NRP1: variants seen among roughly 807,000 people sequenced by gnomAD.
NRP1 encodes the protein neuropilin-1.
In NRP1, 35 loss-of-function variants were observed where a neutral mutation model predicts 106.7. The ratio of observed to expected loss-of-function variants is 0.33; its 90% confidence interval spans 0.25 to 0.43. The LOEUF is 0.43. Among genes scored for constraint, NRP1 ranks in the 20% least tolerant of loss-of-function variants. The pLI is 1.00. For missense variants in NRP1, 1,024 were observed against 1,170.4 expected (o/e 0.87, Z 1.83); for synonymous variants, 437 against 417.9 (o/e 1.05, Z -0.56).
At chr10:33,326,669 C>A (rs1847909301) in intron 2 of NRP1, among the ~76,000 whole-genome samples, 1 of 152,168 alleles carries the variant, frequency 6.6e-6, no homozygotes, top group South Asian at 2.1e-4. Flanking sequence ...TATTATGGTT[C>A]TGATGCTTAT....
At chr10:33,304,464 C>T (rs1412709543) in intron 2 of NRP1, among the ~76,000 whole-genome samples, 2 of 152,120 alleles carry the variant, frequency 1.3e-5, no homozygotes, top group African/African-American at 4.8e-5. Flanking sequence ...CAAGGGTTTT[C>T]AAAAAGGAAA....
intron 2 of NRP1, 85 bp downstream of exon 2, chr10:33,330,623 A>G (rs1589010321): frequency 3.3e-6 from 4 of 1,199,598 alleles, no homozygotes; most frequent in East Asian, 2.5e-5. Context: ...TATAATCTAC[A>G]TTGTACACAC....
At chr10:33,243,696 C>G (rs554502559) in intron 6 of NRP1, among the ~76,000 whole-genome samples, 2 of 152,332 alleles carry the variant, frequency 1.3e-5, no homozygotes, top group South Asian at 4.1e-4. Flanking sequence ...GTCACATGCA[C>G]AAGTGCATAT....
chr10:33,258,876 T>TA (rs1430099801), intron 4 of NRP1, among the ~76,000 whole-genome samples: 13 of 152,114 alleles, frequency 8.5e-5, no homozygotes, highest in Middle Eastern at 3.4e-3. Context: ...TCTGCAATAT[T>TA]AAAAGAAAAG....
At chr10:33,261,968 T>C (rs1410486175) in intron 4 of NRP1, among the ~76,000 whole-genome samples, 1 of 152,234 alleles carries the variant, frequency 6.6e-6, no homozygotes, top group Non-Finnish European at 1.5e-5. Context: ...ACTCATGACC[T>C]CAGGTGATCC....
intron 2 of NRP1, among the ~76,000 whole-genome samples, chr10:33,273,105 G>A (rs1454147563): frequency 2.6e-5 from 3 of 116,330 alleles, no homozygotes; most frequent in Non-Finnish European, 5.2e-5. Flanking sequence ...TGGGGGGTGG[G>A]GGGTGGGATT....
At chr10:33,250,203 T>C (rs912278622) in intron 6 of NRP1, among the ~76,000 whole-genome samples, 2 of 152,226 alleles carry the variant, frequency 1.3e-5, no homozygotes, top group Admixed American at 6.5e-5. Context: ...TAAATTATGC[T>C]GTACTTGTTG....
rs1371787655 is a variant in NRP1, at chr10:33,256,427, G to C, written c.703C>G (p.Arg235Gly). 2 of 1,614,148 alleles carry C rather than the reference G, an allele frequency of 1.2e-6. No individual in the cohort carries two copies. The highest frequency in any genetic ancestry group is 1.1e-5 in the South Asian group (1 of 91,078). Residue 235 changes from arginine (R) to glycine (G), a missense_variant, in exon 5 of 17, where the codon CGA becomes GGA. Physicochemically the swap from Arg to Gly is moderately radical, Grantham distance 125. This residue lies in a region of NRP1 where 279 missense variants were observed against 327.4 expected (regional missense o/e 0.85). Coordinates refer to ENST00000374867, the MANE Select transcript of NRP1 (RefSeq NM_003873.7). ...AGAATGCCCGATGAGGATCGGATTC[G>C]ACCTGGTGTTTTCTGTCCACAGTAA... ...GRYCGQKTPG[R>G]IRSSSGILSM...
chr10:33,296,308 C>T (rs1253954656), intron 2 of NRP1, among the ~76,000 whole-genome samples: 1 of 152,154 alleles, frequency 6.6e-6, no homozygotes, highest in East Asian at 1.9e-4. Flanking sequence ...AGGTTGCCTC[C>T]CTAGTAAGTT....
At chr10:33,190,152 G>T (rs1328139239) in intron 13 of NRP1, among the ~76,000 whole-genome samples, 5 of 152,214 alleles carry the variant, frequency 3.3e-5, no homozygotes, top group Non-Finnish European at 7.3e-5. Context: ...ACAGTTCTGG[G>T]TCAGGAACTC....
chr10:33,191,892 C>A lies in NRP1; in HGVS notation c.2062+389G>T, dbSNP rs141228821. ...ACTTGGGAGGCTGAGGCAAGAGAAT[C>A]GTGTGAAGCCAGGAGGCGGAGGTTG... On this transcript the variant is annotated intron_variant, in intron 13 of 16. Coordinates refer to ENST00000374867, the MANE Select transcript of NRP1 (RefSeq NM_003873.7). Among the ~76,000 whole-genome samples the A allele has an allele frequency of 1.5e-4, 21 of 144,362 alleles. No homozygotes were observed. In the Admixed American group the frequency reaches 1.5e-3, roughly 10 times the overall value. The allele number at this position is 144,362 out of a possible 152,430, so 94.7% of individuals were successfully genotyped here.
At chr10:33,205,105 T>A (rs529363646) in intron 10 of NRP1, among the ~76,000 whole-genome samples, 1 of 152,344 alleles carries the variant, frequency 6.6e-6, no homozygotes, top group African/African-American at 2.4e-5. Flanking sequence ...TGGAGTGGAC[T>A]GCATCTTTCT....
chr10:33,198,488 G>C lies in NRP1; in HGVS notation c.1865-779C>G, dbSNP rs544158668. On this transcript the variant is annotated intron_variant, in intron 11 of 16. Coordinates refer to ENST00000374867, the MANE Select transcript of NRP1 (RefSeq NM_003873.7). ...GTATCCTAACACCTTTCTTTACAAAGCATCCAGAAGGCACCCAGAAATTGG... is the reference window on the plus strand; with the variant it reads ...GTATCCTAACACCTTTCTTTACAAACCATCCAGAAGGCACCCAGAAATTGG... 2.0e-5 allele frequency among the ~76,000 whole-genome samples: 3 copies of C among 152,158 alleles called. No individual in the cohort carries two copies. The South Asian group carries it at 6.2e-4, about 32-fold the overall frequency.
chr10:33,238,840 T>C (rs1296773795), intron 6 of NRP1, among the ~76,000 whole-genome samples: 2 of 152,132 alleles, frequency 1.3e-5, no homozygotes, highest in African/African-American at 4.8e-5. Context: ...TGTACACATA[T>C]TAACCATGAG....
In NRP1 at chr10:33,319,550, G is replaced by A. The variant is rs541516182; in HGVS notation, c.248+11158C>T. The stretch of plus-strand genomic sequence containing the variant: ...AATCTTGCTGGTGCTCACTCTTTGC[G>A]GTGGTGCCATCTTTTTTTTTTCTTT... On this transcript the variant is annotated intron_variant, in intron 2 of 16. Transcript: ENST00000374867. Among the ~76,000 whole-genome samples, 17 of 150,884 alleles carry A rather than the reference G, an allele frequency of 1.1e-4. 1 individual carries two copies. Among genetic ancestry groups the A allele is most frequent in the African/African-American group, 2.7e-4 (11 of 41,156 alleles).
At chr10:33,210,639 T>G (rs190133667) in intron 9 of NRP1, among the ~76,000 whole-genome samples, 3 of 152,316 alleles carry the variant, frequency 2.0e-5, no homozygotes, top group Non-Finnish European at 4.4e-5. Context: ...TTCTCTCTGT[T>G]GCTAAAAAGT....
At chr10:33,259,823 G>C (rs1842453665) in intron 4 of NRP1, among the ~76,000 whole-genome samples, 1 of 152,028 alleles carries the variant, frequency 6.6e-6, no homozygotes, top group African/African-American at 2.4e-5. Flanking sequence ...AAAAATAAAA[G>C]TGCTGATCTA....
At chr10:33,213,174 C>T (rs116077663) in intron 9 of NRP1, 1 of 1,321,802 alleles carries the variant, frequency 7.6e-7, no homozygotes, top group Admixed American at 2.2e-5. Context: ...ATGGGACCAG[C>T]AATGCAATTC....
chr10:33,197,507 A>T (rs1001874031), intron 12 of NRP1, 143 bp downstream of exon 12: 2 of 519,874 alleles, frequency 3.8e-6, no homozygotes, highest in East Asian at 6.4e-5. Flanking sequence ...AAGGAAAGCA[A>T]TATTTATGGC....
Sources: allele counts gnomAD v4.1 joint callset (sites outside exome capture counted in the v4.1 genomes callset), GRCh38; gene constraint gnomAD v4.1.1; regional missense constraint gnomAD v4.1.1; transcripts MANE v1.5; gene names NCBI Gene and HGNC (gene_info 2026-07-23, HGNC 2026-07-21).